The following SETX variants were observed in gnomAD, a reference collection of about 807,000 sequenced individuals.
SETX encodes the protein senataxin.
In SETX, 90 loss-of-function variants were observed where a neutral mutation model predicts 227.2. The observed-to-expected ratio is 0.40, with a 90% CI of 0.33 to 0.47. SETX has a LOEUF of 0.47. Ranked by LOEUF, SETX falls within the 20% of genes least tolerant of loss-of-function variation. SETX has a pLI of 0.91. For missense variants in SETX, 3,052 were observed against 3,181.5 expected (o/e 0.96, Z 0.98); for synonymous variants, 1,210 against 1,113.2 (o/e 1.09, Z -1.73).
At chr9:132,349,167 C>T in intron 3 of SETX, 85 bp downstream of exon 3, 1 of 1,304,872 alleles carries the variant, frequency 7.7e-7, no homozygotes, top group Non-Finnish European at 1.1e-6. Context: ...ATCATCATTT[C>T]TCTGAATACT....
intron 5 of SETX, 58 bp downstream of exon 5, chr9:132,342,632 G>T (rs1444525530): frequency 1.7e-6 from 2 of 1,161,416 alleles, no homozygotes; most frequent in Non-Finnish European, 1.3e-6. Flanking sequence ...CGCTATTATA[G>T]CTATCTATAG....
rs774706957 is a variant in SETX, at chr9:132,264,529, G to C, written c.7744C>G (p.Gln2582Glu). ...TGEPGFPVVH[Q>E]DLSHIQQPAA... Reference sequence around the variant, plus strand: ...GGCTGCTGTATATGGCTCAGGTCCTGGTGAACGACAGGGAAGCCCGGCTCG... The same window carrying C: ...GGCTGCTGTATATGGCTCAGGTCCTCGTGAACGACAGGGAAGCCCGGCTCG... The change falls in exon 26 of 26, where the codon CAG becomes GAG. Residue 2582 changes from glutamine (Q) to glutamate (E), a missense_variant. Physicochemically the swap from Gln to Glu is conservative, Grantham distance 29. Coordinates refer to ENST00000224140, the MANE Select transcript of SETX (RefSeq NM_015046.7). 41 of 1,613,966 alleles carry C rather than the reference G, an allele frequency of 2.5e-5. No homozygotes were observed. The highest frequency in any genetic ancestry group is 3.5e-5 in the Non-Finnish European group (41 of 1,179,966).
chr9:132,293,517 G>A (rs565347862), intron 15 of SETX, among the ~76,000 whole-genome samples: 5 of 152,172 alleles, frequency 3.3e-5, no homozygotes, highest in Admixed American at 6.5e-5. Context: ...CACTTCCCGG[G>A]TTCAAGTGAT....
intron 10 of SETX, among the ~76,000 whole-genome samples, chr9:132,320,697 G>A (rs959923287): frequency 1.3e-5 from 2 of 151,278 alleles, no homozygotes; most frequent in South Asian, 2.1e-4. Flanking sequence ...GGTTGAAATC[G>A]TATGGTTAAA....
chr9:132,329,538 G>T lies in SETX; in HGVS notation c.2060C>A (p.Ser687Ter). The T allele has an allele frequency of 6.2e-7, 1 of 1,613,056 alleles. No homozygotes were observed. ...GTTTTTACTACTCTGCTTTAAGCAT[G>T]ACCCAGCTAAGAGATGGTCCTCTAG... ...VKLEDHLLAG[S>*]CLKQSSKNIF... The change falls in exon 10 of 26, where the codon TCA (serine) becomes TAA (stop). Residue 687 changes from serine to a stop codon, truncating the protein, a stop_gained. Transcript: ENST00000224140. LOFTEE classifies it high-confidence loss of function.
At chr9:132,317,464 T>C (rs917726318) in intron 10 of SETX, among the ~76,000 whole-genome samples, 1 of 152,226 alleles carries the variant, frequency 6.6e-6, no homozygotes, top group Non-Finnish European at 1.5e-5. Context: ...TTGAAATTAT[T>C]ATATACATAC....
intron 5 of SETX, among the ~76,000 whole-genome samples, chr9:132,341,866 C>T (rs995344537): frequency 6.6e-6 from 1 of 152,158 alleles, no homozygotes; most frequent in Non-Finnish European, 1.5e-5. Context: ...TCATTTATTA[C>T]TTCATGTTTC....
At chr9:132,300,888 G>T in intron 11 of SETX, 85 bp from the exon 12 acceptor site, 1 of 1,298,232 alleles carries the variant, frequency 7.7e-7, no homozygotes. Context: ...TTAAATCCTT[G>T]TATTAAGTTC....
chr9:132,335,480 A>T (rs796530440), intron 6 of SETX, among the ~76,000 whole-genome samples: 3 of 134,346 alleles, frequency 2.2e-5, no homozygotes, highest in African/African-American at 1.0e-4. Context: ...GGAAAATTTA[A>T]TTTTTTTTTT....
chr9:132,338,627 C>G (rs746467652), intron 5 of SETX, among the ~76,000 whole-genome samples: 21 of 152,186 alleles, frequency 1.4e-4, no homozygotes, highest in Non-Finnish European at 2.6e-4. Flanking sequence ...TTATTATTTC[C>G]CTGATCATTA....
intron 5 of SETX, among the ~76,000 whole-genome samples, chr9:132,338,663 T>C (rs1847784820): frequency 6.6e-6 from 1 of 152,216 alleles, no homozygotes; most frequent in South Asian, 2.1e-4. Flanking sequence ...TTCATATATT[T>C]ATTAGCTATT....
intron 25 of SETX, among the ~76,000 whole-genome samples, chr9:132,265,671 G>A (rs565058543): frequency 6.6e-5 from 10 of 152,178 alleles, no homozygotes; most frequent in South Asian, 6.2e-4. Context: ...AGTACACAGC[G>A]GTCACACACG....
intron 7 of SETX, among the ~76,000 whole-genome samples, chr9:132,334,313 T>C (rs901797626): frequency 2.0e-5 from 3 of 152,120 alleles, no homozygotes; most frequent in Non-Finnish European, 2.9e-5. Context: ...CTGGGCGTGG[T>C]GGTGCACGCC....
intron 12 of SETX, among the ~76,000 whole-genome samples, chr9:132,298,577 T>C (rs1398975669): frequency 6.6e-6 from 1 of 151,840 alleles, no homozygotes; most frequent in East Asian, 1.9e-4. Flanking sequence ...AGGGAGGAAG[T>C]GATGGGGATG....
intron 18 of SETX, 104 bp from the exon 19 acceptor site, chr9:132,283,517 A>G (rs1843661275): frequency 3.6e-6 from 5 of 1,387,576 alleles, no homozygotes; most frequent in Non-Finnish European, 5.1e-6. Flanking sequence ...AAATAGATTT[A>G]TGACAGAAAA....
intron 11 of SETX, among the ~76,000 whole-genome samples, chr9:132,306,614 C>T (rs1845349715): frequency 1.3e-5 from 2 of 152,124 alleles, no homozygotes; most frequent in African/African-American, 4.8e-5. Context: ...AATTGTATTT[C>T]TTTTTAAGGC....
chr9:132,262,893 A>G lies in SETX; in HGVS notation c.*1346T>C, dbSNP rs981427792. On this transcript the variant is annotated 3_prime_UTR_variant, in exon 26 of 26. Coordinates refer to ENST00000224140, the MANE Select transcript of SETX (RefSeq NM_015046.7). ...TCACTACAGATCCCTAGTTTTTACA[A>G]CTGTCAACTGTACATTCTCATGTTT... The G allele has an allele frequency of 3.9e-5, 6 of 152,162 alleles. No homozygotes were observed. Among genetic ancestry groups the G allele is most frequent in the Non-Finnish European group, 7.3e-5 (5 of 68,032 alleles). 9.4% of individuals were successfully genotyped at this position (152,162 alleles called of 1,614,324 possible).
At chr9:132,347,361 G>A (rs189501717) in intron 3 of SETX, among the ~76,000 whole-genome samples, 42 of 151,904 alleles carry the variant, frequency 2.8e-4, no homozygotes, top group African/African-American at 8.2e-4. Flanking sequence ...CGCCCAGGCT[G>A]GAGTGCAATG....
At chr9:132,324,453 C>A (rs1441279042) in intron 10 of SETX, among the ~76,000 whole-genome samples, 1 of 152,198 alleles carries the variant, frequency 6.6e-6, no homozygotes, top group Non-Finnish European at 1.5e-5. Context: ...CATTACACTT[C>A]CTTCCCCAAC....
Sources: gnomAD v4.1 joint callset for allele counts (sites outside exome capture counted in the v4.1 genomes callset) on GRCh38, gnomAD v4.1.1 for gene constraint, MANE v1.5 for transcripts, NCBI Gene and HGNC (gene_info 2026-07-23, HGNC 2026-07-21) for gene names.